STRBP: variants seen among roughly 807,000 people sequenced by gnomAD.
STRBP encodes the protein spermatid perinuclear RNA binding protein, also known as spermatid perinuclear RNA-binding protein.
In STRBP, 13 loss-of-function variants were observed where a neutral mutation model predicts 80.1. That is an observed-to-expected ratio of 0.16 (90% CI 0.11 to 0.26). STRBP has a LOEUF of 0.26. Ranked by LOEUF, STRBP falls within the 10% of genes least tolerant of loss-of-function variation. The probability of loss-of-function intolerance (pLI) is 1.00; values close to 1 mark genes in which losing one functional copy is unlikely to be tolerated. For synonymous variants in STRBP, 284 were observed against 291.2 expected (o/e 0.98, Z 0.25); for missense variants, 485 against 815.2 (o/e 0.59, Z 4.93).
chr9:123,144,837 T>C (rs185424984), intron 13 of STRBP, among the ~76,000 whole-genome samples: 3 of 152,304 alleles, frequency 2.0e-5, no homozygotes, highest in East Asian at 3.9e-4. Context: ...CCTGAGATGT[T>C]AGAGGCCTAG....
intron 2 of STRBP, among the ~76,000 whole-genome samples, chr9:123,230,791 A>C (rs2040375021): frequency 6.6e-6 from 1 of 152,240 alleles, no homozygotes; most frequent in Non-Finnish European, 1.5e-5. Flanking sequence ...TGCTTTAACT[A>C]AACAGCTTGT....
chr9:123,145,301 A>C (rs1447544411), intron 13 of STRBP, among the ~76,000 whole-genome samples: 1 of 152,182 alleles, frequency 6.6e-6, no homozygotes, highest in African/African-American at 2.4e-5. Context: ...TTGAAGACAA[A>C]AGCAAATCCA....
intron 2 of STRBP, among the ~76,000 whole-genome samples, chr9:123,207,812 A>AC (rs1448291817): frequency 6.6e-6 from 1 of 152,238 alleles, no homozygotes; most frequent in Non-Finnish European, 1.5e-5. Context: ...AGAGGAAAAA[A>AC]ATCTGAAACA....
chr9:123,223,282 T>C (rs765458838), intron 2 of STRBP, among the ~76,000 whole-genome samples: 8 of 152,176 alleles, frequency 5.3e-5, no homozygotes, highest in Non-Finnish European at 1.0e-4. Flanking sequence ...GAGACCATAA[T>C]GGTAACCATA....
chr9:123,191,615 A>G (rs559162581), intron 2 of STRBP, among the ~76,000 whole-genome samples: 31 of 152,308 alleles, frequency 2.0e-4, no homozygotes, highest in Admixed American at 7.2e-4. Flanking sequence ...GTTCCAATAA[A>G]ACTTAATTAC....
In STRBP at chr9:123,123,330, T is replaced by C. The variant is rs927388640; in HGVS notation, c.*2267A>G. ...TTTCAGCTGTAAGTGGAATTTTCAT[T>C]ACAAAATGGAAGGGTGGGAAGGGCA... On this transcript the variant is annotated 3_prime_UTR_variant, in exon 19 of 19. Transcript: ENST00000348403. 275 of 985,252 alleles carry C rather than the reference T, an allele frequency of 2.8e-4. 1 individual carries two copies. The highest frequency in any genetic ancestry group is 3.2e-4 in the Non-Finnish European group (269 of 829,924). 61.0% of individuals were successfully genotyped at this position (985,252 alleles called of 1,614,324 possible). A position where few individuals can be genotyped will look rare whatever the true frequency, so the allele number is the denominator to read the frequency against.
intron 4 of STRBP, among the ~76,000 whole-genome samples, chr9:123,174,851 T>C (rs558092558): frequency 5.4e-4 from 83 of 152,344 alleles, no homozygotes; most frequent in Non-Finnish European, 1.0e-3. Flanking sequence ...AAGTTTCTTA[T>C]TGGTTCATTT....
intron 2 of STRBP, among the ~76,000 whole-genome samples, chr9:123,193,091 C>CG (rs1189505183): frequency 6.6e-6 from 1 of 152,194 alleles, no homozygotes; most frequent in African/African-American, 2.4e-5. Context: ...CATCTCAAAT[C>CG]TACCCCTCCA....
At chr9:123,220,248 T>C (rs566362069) in intron 2 of STRBP, among the ~76,000 whole-genome samples, 1 of 152,362 alleles carries the variant, frequency 6.6e-6, no homozygotes, top group East Asian at 1.9e-4. Context: ...AAGAAATGTG[T>C]CACTAGGCAA....
chr9:123,200,036 G>T (rs957235428), intron 2 of STRBP, among the ~76,000 whole-genome samples: 11 of 151,974 alleles, frequency 7.2e-5, no homozygotes, highest in African/African-American at 2.2e-4. Context: ...TTTAAGGTAG[G>T]TCCCTTCCAT....
intron 17 of STRBP, among the ~76,000 whole-genome samples, chr9:123,132,118 C>T (rs1212392982): frequency 6.6e-6 from 1 of 152,148 alleles, no homozygotes; most frequent in African/African-American, 2.4e-5. Flanking sequence ...CCCAAATCTT[C>T]TTTAAGCTAT....
chr9:123,169,297 T>G (rs781089944), intron 6 of STRBP, among the ~76,000 whole-genome samples: 6 of 151,464 alleles, frequency 4.0e-5, no homozygotes, highest in Non-Finnish European at 5.9e-5. Flanking sequence ...GCCTCCCGAG[T>G]AGCTGGGATT....
intron 2 of STRBP, among the ~76,000 whole-genome samples, chr9:123,208,578 A>G (rs934146138): frequency 6.6e-6 from 1 of 152,228 alleles, no homozygotes; most frequent in African/African-American, 2.4e-5. Flanking sequence ...TTGCCATTGT[A>G]GTATAAAAGC....
chr9:123,172,681 T>C (rs1415588932), intron 5 of STRBP, among the ~76,000 whole-genome samples: 1 of 151,926 alleles, frequency 6.6e-6, no homozygotes, highest in East Asian at 1.9e-4. Context: ...TAAATCTGAG[T>C]GTCAAGAATG....
chr9:123,156,085 A>G (rs534824474), intron 11 of STRBP, among the ~76,000 whole-genome samples: 12 of 152,248 alleles, frequency 7.9e-5, no homozygotes, highest in African/African-American at 2.9e-4. Context: ...TAAAAAAAAA[A>G]AAAACTAAGT....
intron 1 of STRBP, among the ~76,000 whole-genome samples, chr9:123,260,048 T>G (rs2041127216): frequency 6.6e-6 from 1 of 152,112 alleles, no homozygotes; most frequent in South Asian, 2.1e-4. Context: ...TTCAAGAAGT[T>G]TTGCTGTAAA....
chr9:123,254,103 AC>A (rs1294527755), intron 1 of STRBP, among the ~76,000 whole-genome samples: 1 of 152,126 alleles, frequency 6.6e-6, no homozygotes, highest in East Asian at 1.9e-4. Context: ...GTGTAATAAC[AC>A]CCAATAATGA....
intron 2 of STRBP, among the ~76,000 whole-genome samples, chr9:123,214,208 A>G (rs554206918): frequency 1.3e-4 from 20 of 151,866 alleles, no homozygotes; most frequent in African/African-American, 3.4e-4. Flanking sequence ...CTCAGCCCCA[A>G]AAAGGAATGA....
chr9:123,136,637 A>G lies in STRBP; in HGVS notation c.1498-122T>C. On this transcript the variant is annotated intron_variant, in intron 14 of 18. Transcript: ENST00000348403. This position sits in a 1 kb window ranked among gnomAD's most constrained non-coding sequence, Gnocchi z 4.2. ...TTCTACTTCAAAGCACTCAGGGGCTAGAATGAGTCACCTCTTTACACAAAT... is the reference window on the plus strand; with the variant it reads ...TTCTACTTCAAAGCACTCAGGGGCTGGAATGAGTCACCTCTTTACACAAAT... 8 of 1,134,406 alleles carry G rather than the reference A, an allele frequency of 7.1e-6. No homozygotes were observed. Among genetic ancestry groups the G allele is most frequent in the Non-Finnish European group, 9.8e-6 (8 of 819,920 alleles). The allele number at this position is 1,134,406 out of a possible 1,614,324, so 70.3% of individuals were successfully genotyped here.
Sources: gnomAD v4.1 joint callset for allele counts (sites outside exome capture counted in the v4.1 genomes callset) on GRCh38, gnomAD v4.1.1 for gene constraint, Gnocchi (gnomAD v3.1) non-coding constraint, MANE v1.5 for transcripts, NCBI Gene and HGNC (gene_info 2026-07-23, HGNC 2026-07-21) for gene names.